The following RFTN2 variants were observed in gnomAD, a reference collection of about 807,000 sequenced individuals.
The protein encoded by RFTN2 is raftlin-2.
RFTN2 carries 34 observed loss-of-function variants against 52.7 expected under a neutral mutation model. The ratio of observed to expected loss-of-function variants is 0.64; its 90% CI spans 0.49 to 0.86. The LOEUF is 0.86. Ranked by LOEUF, RFTN2 falls within the 40% of genes least tolerant of loss-of-function variation. RFTN2 has a pLI of 0.00. For synonymous variants in RFTN2, 203 were observed against 217.7 expected (o/e 0.93, Z 0.59); for missense variants, 536 against 600.1 (o/e 0.89, Z 1.12).
intron 1 of RFTN2, among the ~76,000 whole-genome samples, chr2:197,650,153 C>A (rs562583684): frequency 6.6e-6 from 1 of 151,682 alleles, no homozygotes; most frequent in East Asian, 1.9e-4. Flanking sequence ...AAAAATTTGC[C>A]ATTTTAACCA....
At chr2:197,577,384 G>A (rs939867247) in intron 8 of RFTN2, among the ~76,000 whole-genome samples, 1 of 152,238 alleles carries the variant, frequency 6.6e-6, no homozygotes, top group Non-Finnish European at 1.5e-5. Flanking sequence ...TGGTTGTCAC[G>A]TTTTCCATTG....
chr2:197,646,916 A>AAAAC (rs2088761374), intron 1 of RFTN2, among the ~76,000 whole-genome samples: 1 of 151,220 alleles, frequency 6.6e-6, no homozygotes, highest in African/African-American at 2.4e-5. Context: ...AAAAAAAAAA[A>AAAAC]AAAACTCCAA....
chr2:197,615,446 A>G (rs1004063014), intron 7 of RFTN2, among the ~76,000 whole-genome samples: 1 of 152,264 alleles, frequency 6.6e-6, no homozygotes, highest in Non-Finnish European at 1.5e-5. Context: ...CAGGAAAGTT[A>G]GTAAAAGGAG....
chr2:197,665,667 A>T (rs1171437848), intron 1 of RFTN2, among the ~76,000 whole-genome samples: 1 of 152,038 alleles, frequency 6.6e-6, no homozygotes, highest in Non-Finnish European at 1.5e-5. Context: ...CTGTATAGGT[A>T]AAGTGCATTT....
At chr2:197,603,178 T>C (rs2087906511) in intron 7 of RFTN2, among the ~76,000 whole-genome samples, 1 of 152,194 alleles carries the variant, frequency 6.6e-6, no homozygotes, top group East Asian at 1.9e-4. Flanking sequence ...ACATGCACGT[T>C]GTGCACATGT....
intron 3 of RFTN2, among the ~76,000 whole-genome samples, chr2:197,641,670 A>T (rs1413079061): frequency 6.6e-6 from 1 of 152,224 alleles, no homozygotes; most frequent in Non-Finnish European, 1.5e-5. Context: ...TACAAACTGA[A>T]TTTTAAAATT....
At chr2:197,652,000 A>G (rs567618331) in intron 1 of RFTN2, among the ~76,000 whole-genome samples, 36 of 152,362 alleles carry the variant, frequency 2.4e-4, no homozygotes, top group Non-Finnish European at 4.7e-4. Context: ...AAATATAAGT[A>G]GAGGTGAGCA....
intron 5 of RFTN2, among the ~76,000 whole-genome samples, chr2:197,621,662 G>C (rs1223724156): frequency 1.3e-5 from 2 of 151,882 alleles, no homozygotes; most frequent in Admixed American, 6.6e-5. Context: ...ACTGATAAAC[G>C]TTGTGGGGGT....
intron 1 of RFTN2, among the ~76,000 whole-genome samples, chr2:197,666,427 G>C (rs1043028071): frequency 2.0e-5 from 3 of 152,158 alleles, no homozygotes; most frequent in Non-Finnish European, 4.4e-5. Context: ...TCCTTGGCTG[G>C]CAGTATTTTT....
At chr2:197,611,292 C>G (rs2106205524) in intron 7 of RFTN2, among the ~76,000 whole-genome samples, 1 of 152,226 alleles carries the variant, frequency 6.6e-6, no homozygotes, top group Admixed American at 6.5e-5. Context: ...ATTTCAGAAC[C>G]TGTTAGTGGT....
At chr2:197,617,566 G>T (rs1361847685) in intron 6 of RFTN2, among the ~76,000 whole-genome samples, 1 of 151,954 alleles carries the variant, frequency 6.6e-6, no homozygotes, top group Non-Finnish European at 1.5e-5. Context: ...TGTAGTCCCA[G>T]CTACCTGGGA....
At chr2:197,641,347 A>G (rs1171931951) in intron 3 of RFTN2, among the ~76,000 whole-genome samples, 2 of 152,214 alleles carry the variant, frequency 1.3e-5, no homozygotes, top group South Asian at 2.1e-4. Flanking sequence ...GAATTAACAT[A>G]TTGAGATTGT....
chr2:197,674,426 T>A (rs2089189756), intron 1 of RFTN2, among the ~76,000 whole-genome samples: 1 of 151,018 alleles, frequency 6.6e-6, no homozygotes, highest in Non-Finnish European at 1.5e-5. Context: ...ACATGATAAT[T>A]TAGTATAAAC....
intron 1 of RFTN2, among the ~76,000 whole-genome samples, chr2:197,668,799 C>T (rs1187160791): frequency 1.3e-5 from 2 of 152,156 alleles, no homozygotes; most frequent in African/African-American, 4.8e-5. Flanking sequence ...GCCCTTCCTC[C>T]CTGGGACAGT....
At chr2:197,629,672 T>G (rs890269914) in intron 5 of RFTN2, among the ~76,000 whole-genome samples, 1 of 80,014 alleles carries the variant, frequency 1.2e-5, no homozygotes. Context: ...TTTTTAATTT[T>G]TATACACACA....
chr2:197,584,604 C>G (rs1025907030), intron 8 of RFTN2, among the ~76,000 whole-genome samples: 4 of 152,148 alleles, frequency 2.6e-5, no homozygotes, highest in Non-Finnish European at 4.4e-5. Flanking sequence ...TGCAGAAGCT[C>G]TTTAGTTTAA....
rs945178104 is a variant in RFTN2, at chr2:197,584,685, G to A, written c.1233+11306C>T. ...GTGTTTTAGACATGAGGACTGGACA[G>A]TACTTCTACCTCTTGCCCTTCTCAG... is the stretch of plus-strand genomic sequence containing the variant. On this transcript the variant is annotated intron_variant, in intron 8 of 8. Coordinates refer to ENST00000295049, the MANE Select transcript of RFTN2 (RefSeq NM_144629.3). 5.3e-5 allele frequency among the ~76,000 whole-genome samples: 8 copies of A among 152,272 alleles called. No individual in the cohort carries two copies. In the South Asian group the frequency reaches 1.7e-3, roughly 32 times the overall value.
At chr2:197,662,322 T>C (rs534802654) in intron 1 of RFTN2, among the ~76,000 whole-genome samples, 14 of 152,318 alleles carry the variant, frequency 9.2e-5, no homozygotes, top group South Asian at 2.1e-4. Context: ...GACAGATAGA[T>C]AGTGGTCTGG....
intron 8 of RFTN2, among the ~76,000 whole-genome samples, chr2:197,594,999 G>A (rs570902691): frequency 5.3e-4 from 80 of 152,186 alleles, no homozygotes; most frequent in Non-Finnish European, 8.4e-4. Context: ...TACAGAAAAA[G>A]AATCACTTTA....
Sources: gnomAD v4.1 joint callset for allele counts (sites outside exome capture counted in the v4.1 genomes callset) on GRCh38, gnomAD v4.1.1 for gene constraint, MANE v1.5 for transcripts, NCBI Gene and HGNC (gene_info 2026-07-23, HGNC 2026-07-21) for gene names.